The following COL4A1 variants were observed in gnomAD, a reference collection of about 807,000 sequenced individuals.
The protein encoded by COL4A1 is collagen alpha-1(IV) chain.
A neutral mutation model predicts 216.6 loss-of-function variants in COL4A1; 40 were observed. That is an observed-to-expected ratio of 0.18 (90% confidence interval 0.14 to 0.24). The LOEUF is 0.24. Among genes scored for constraint, COL4A1 ranks in the 10% least tolerant of loss-of-function variants. The pLI is 1.00. For missense variants in COL4A1, 1,628 were observed against 2,196.8 expected, an observed-to-expected ratio of 0.74 and a Z score of 5.18; for synonymous variants, 839 against 810.7, an observed-to-expected ratio of 1.03 and a Z score of -0.59.
chr13:110,252,509 ATTAT>A (rs1882141609), intron 1 of COL4A1, among the ~76,000 whole-genome samples: 4 of 14,310 alleles, frequency 2.8e-4, no homozygotes, highest in Non-Finnish European at 9.0e-4. Flanking sequence ...GTATATATGT[ATTAT>A]ATATACGTAT....
At position 110,210,171 on chromosome 13, in the gene COL4A1, C is replaced by T. The variant is rs1346822753; in HGVS notation, c.510G>A (p.Leu170=). The change falls in exon 9 of 52, where the codon CTG becomes CTA. Residue 170 remains leucine (L), a synonymous_variant. Transcript: ENST00000375820. ...CGGGAAATCCTCTTTCACCTTTCAACAGCATCCCGGGCACATGGCCAAGTA... is the reference window on the plus strand; with the variant it reads ...CGGGAAATCCTCTTTCACCTTTCAATAGCATCCCGGGCACATGGCCAAGTA... ...GEILGHVPGM[L]LKGERGFPGI... is the part of the protein sequence containing the mutation. 1.5e-5 allele frequency: 24 copies of T among 1,613,988 alleles called. No individual in the cohort carries two copies. The highest frequency in any genetic ancestry group is 2.0e-5 in the Non-Finnish European group (24 of 1,180,046).
At chr13:110,165,301 G>A (rs554838737) in intron 45 of COL4A1, among the ~76,000 whole-genome samples, 1 of 152,228 alleles carries the variant, frequency 6.6e-6, no homozygotes, top group East Asian at 1.9e-4. Flanking sequence ...AGCAGGGAGA[G>A]AAGCTTGTTC....
At chr13:110,189,765 G>C (rs1378341496) in intron 24 of COL4A1, among the ~76,000 whole-genome samples, 1 of 152,126 alleles carries the variant, frequency 6.6e-6, no homozygotes, top group African/African-American at 2.4e-5. Flanking sequence ...GGCCTTTCTT[G>C]TGGGCTCGGG....
At chr13:110,176,814 G>A (rs1437474362) in intron 34 of COL4A1, 71 bp downstream of exon 34, 1 of 1,613,876 alleles carries the variant, frequency 6.2e-7, no homozygotes, top group Non-Finnish European at 8.5e-7. Flanking sequence ...TATTATTTAT[G>A]GAGGACCCGA....
chr13:110,201,208 G>A (rs982208429), intron 19 of COL4A1, among the ~76,000 whole-genome samples: 2 of 138,120 alleles, frequency 1.4e-5, no homozygotes, highest in Admixed American at 7.5e-5. Context: ...CAAAAAGAGG[G>A]GAAGAAATAG....
In COL4A1 at chr13:110,249,622, C is replaced by T. The variant is rs77018275; in HGVS notation, c.85-6888G>A. 3.9e-5 allele frequency among the ~76,000 whole-genome samples: 6 copies of T among 152,206 alleles called. No homozygotes were observed. The East Asian group carries it at 1.2e-3, about 30-fold the overall frequency. On this transcript the variant is annotated intron_variant, in intron 1 of 51. Coordinates refer to ENST00000375820, the MANE Select transcript of COL4A1 (RefSeq NM_001845.6). Reference sequence around the variant, plus strand: ...GACTAGAAGAGGACTCCAGGGACTTCGTGCCTTCTGGTAATGTTCTGGTCC... The same window carrying T: ...GACTAGAAGAGGACTCCAGGGACTTTGTGCCTTCTGGTAATGTTCTGGTCC...
chr13:110,257,756 G>C (rs1210628423), intron 1 of COL4A1, among the ~76,000 whole-genome samples: 1 of 152,164 alleles, frequency 6.6e-6, no homozygotes, highest in East Asian at 1.9e-4. Context: ...CATAAATAGA[G>C]TTTACCAGCA....
At chr13:110,153,351 T>C (rs1254981272) in intron 50 of COL4A1, among the ~76,000 whole-genome samples, 3 of 152,178 alleles carry the variant, frequency 2.0e-5, no homozygotes, top group African/African-American at 4.8e-5. Context: ...TCAGAGGAGG[T>C]GCTGGAAGAC....
intron 49 of COL4A1, among the ~76,000 whole-genome samples, chr13:110,160,209 G>A (rs1219006080): frequency 5.0e-5 from 6 of 119,492 alleles, no homozygotes; most frequent in Admixed American, 2.6e-4. Context: ...TTGGGAGGCC[G>A]AGGCGGGTGG....
chr13:110,288,937 CA>C (rs1883962420), intron 1 of COL4A1, among the ~76,000 whole-genome samples: 1 of 152,174 alleles, frequency 6.6e-6, no homozygotes, highest in African/African-American at 2.4e-5. Context: ...GAGGTGGAGG[CA>C]GGAGAATTGC....
chr13:110,201,004 G>A (rs1422608561), intron 19 of COL4A1, 115 bp from the exon 20 acceptor site: 2 of 1,167,406 alleles, frequency 1.7e-6, no homozygotes, highest in Non-Finnish European at 2.6e-6. Flanking sequence ...CATGGCCAAA[G>A]GGAACGTAGA....
intron 26 of COL4A1, among the ~76,000 whole-genome samples, chr13:110,186,093 G>A (rs1384189130): frequency 3.3e-5 from 5 of 152,152 alleles, no homozygotes; most frequent in Admixed American, 1.3e-4. Flanking sequence ...ACTTGACCTC[G>A]GTGTGACTTC....
At chr13:110,284,925 C>T (rs1281261130) in intron 1 of COL4A1, among the ~76,000 whole-genome samples, 1 of 152,194 alleles carries the variant, frequency 6.6e-6, no homozygotes. Flanking sequence ...AGAGATGACA[C>T]CGTCCCTGCC....
intron 2 of COL4A1, among the ~76,000 whole-genome samples, chr13:110,237,355 C>A (rs181652873): frequency 1.3e-5 from 2 of 152,152 alleles, no homozygotes; most frequent in Non-Finnish European, 2.9e-5. Context: ...GTTAGTTCAG[C>A]GGTATTCCAT....
rs1308761089 is a variant in COL4A1 at position 110,299,622 on chromosome 13, G to A, written c.84+7322C>T. 2.0e-5 allele frequency among the ~76,000 whole-genome samples: 3 copies of A among 152,238 alleles called. No individual in the cohort carries two copies. In the East Asian group the frequency reaches 5.8e-4, roughly 29 times the overall value. ...GCCCACACATTTCCCTGCAGGGCCT[G>A]TGACTGGTGCACAACCAGTGTGTCC... On this transcript the variant is annotated intron_variant, in intron 1 of 51. Transcript: ENST00000375820.
intron 22 of COL4A1, among the ~76,000 whole-genome samples, chr13:110,194,755 C>CTGTA (rs894318909): frequency 1.4e-4 from 22 of 152,322 alleles, no homozygotes; most frequent in African/African-American, 4.3e-4. Context: ...ACCACGCCCA[C>CTGTA]TGTAGCAAGA....
intron 18 of COL4A1, 149 bp from the exon 19 acceptor site, chr13:110,201,671 G>A (rs746094862): frequency 1.2e-5 from 10 of 815,600 alleles, no homozygotes; most frequent in Non-Finnish European, 1.9e-5. Context: ...GGACAAGGAG[G>A]AAGGGGATAA....
At chr13:110,168,284 G>C (rs749169620) in intron 43 of COL4A1, among the ~76,000 whole-genome samples, 38 of 152,146 alleles carry the variant, frequency 2.5e-4, no homozygotes, top group Non-Finnish European at 4.6e-4. Context: ...CAAAGTGCTA[G>C]GATTACAGGC....
intron 2 of COL4A1, among the ~76,000 whole-genome samples, chr13:110,231,441 T>G (rs1881058361): frequency 6.6e-6 from 1 of 152,212 alleles, no homozygotes; most frequent in South Asian, 2.1e-4. Context: ...TGCCTGAGCT[T>G]TTGGGGCCTG....
Sources: gnomAD v4.1 joint callset for allele counts (sites outside exome capture counted in the v4.1 genomes callset) on GRCh38, gnomAD v4.1.1 for gene constraint, MANE v1.5 for transcripts, NCBI Gene and HGNC (gene_info 2026-07-23, HGNC 2026-07-21) for gene names.